TM4SF5: variants seen among roughly 807,000 people sequenced by gnomAD.
The protein encoded by TM4SF5 is transmembrane 4 L6 family member 5.
In TM4SF5, 16 loss-of-function variants were observed where a neutral mutation model predicts 22.3. That is an observed-to-expected ratio of 0.72 (90% CI 0.49 to 1.09). The LOEUF is 1.09. Among genes scored for constraint, TM4SF5 ranks in the 50% least tolerant of loss-of-function variants. The pLI is 0.00. For missense variants in TM4SF5, 249 were observed against 266.1 expected (o/e 0.94, Z 0.45); for synonymous variants, 113 against 109.6 (o/e 1.03, Z -0.19).
At chr17:4,781,135 TAAAAAAAAA>T (rs541886050) in intron 2 of TM4SF5, among the ~76,000 whole-genome samples, 8,393 of 125,152 alleles carry the variant, frequency 0.067, 884 homozygotes, top group African/African-American at 0.24. Flanking sequence ...AGCAGTGATT[TAAAAAAAAA>T]AAAAAAAAAA....
chr17:4,783,078 G>A, intron 4 of TM4SF5, 36 bp from the exon 5 acceptor site: 1 of 1,614,158 alleles, frequency 6.2e-7, no homozygotes, highest in Non-Finnish European at 8.5e-7. Flanking sequence ...GAACCTGCCT[G>A]GTCCTGGCTG....
At chr17:4,777,357 C>G (rs1423850560) in intron 1 of TM4SF5, among the ~76,000 whole-genome samples, 1 of 152,134 alleles carries the variant, frequency 6.6e-6, no homozygotes, top group Non-Finnish European at 1.5e-5. Context: ...TATGATGACA[C>G]TTTTCACTAA....
chr17:4,780,374 C>G (rs1161944145), intron 1 of TM4SF5, among the ~76,000 whole-genome samples: 1 of 152,086 alleles, frequency 6.6e-6, no homozygotes, highest in East Asian at 1.9e-4. Flanking sequence ...GTCTTAACAC[C>G]TAGTCAGCTT....
At chr17:4,781,417 A>AAAATCACTTGAACCCAGGAG (rs1917308968) in intron 2 of TM4SF5, among the ~76,000 whole-genome samples, 1 of 151,964 alleles carries the variant, frequency 6.6e-6, no homozygotes, top group African/African-American at 2.4e-5. Flanking sequence ...CTGAGGCAGG[A>AAAATCACTTGAACCCAGGAG]GATTACGGTG....
At chr17:4,776,100 C>T (rs748701421) in intron 1 of TM4SF5, among the ~76,000 whole-genome samples, 1 of 152,042 alleles carries the variant, frequency 6.6e-6, no homozygotes, top group Non-Finnish European at 1.5e-5. Context: ...CCACCCACCT[C>T]GGCCTCCCCA....
At chr17:4,782,429 G>C (rs1167678798) in intron 2 of TM4SF5, 74 bp from the exon 3 acceptor site, 1 of 1,565,474 alleles carries the variant, frequency 6.4e-7, no homozygotes. Flanking sequence ...GATAATGCGT[G>C]GGGGCTGGCG....
intron 1 of TM4SF5, among the ~76,000 whole-genome samples, chr17:4,777,879 C>G (rs1345166384): frequency 6.6e-6 from 1 of 151,864 alleles, no homozygotes; most frequent in African/African-American, 2.4e-5. Context: ...AGCAAAACTT[C>G]GTCTCAAAAA....
intron 3 of TM4SF5, 72 bp downstream of exon 3, chr17:4,782,711 A>T: frequency 1.3e-6 from 2 of 1,595,760 alleles, no homozygotes; most frequent in East Asian, 4.5e-5. Context: ...GTGGACTGGG[A>T]CACCTGGGCG....
At chr17:4,777,448 C>A (rs1032091093) in intron 1 of TM4SF5, among the ~76,000 whole-genome samples, 5 of 152,218 alleles carry the variant, frequency 3.3e-5, no homozygotes, top group Admixed American at 3.3e-4. Context: ...GAGTAAAAAT[C>A]TCAAATAGGG....
In TM4SF5 at chr17:4,783,033, A is replaced by G. The variant is rs200933820; in HGVS notation, c.575A>G (p.Lys192Arg). 6.2e-7 allele frequency: 1 copy of G among 1,614,064 alleles called. No individual in the cohort carries two copies. The highest frequency in any genetic ancestry group is 2.2e-5 in the East Asian group (1 of 44,870). Residue 192 changes from lysine to arginine, a missense_variant, in exon 4 of 5, where the codon AAA becomes AGA. Physicochemically the swap from Lys to Arg is conservative, Grantham distance 26 (BLOSUM62 2). Transcript: ENST00000270560. The part of the protein sequence containing the change: ...IGVFCGDCRK[K>R]QDTPH ...GTCTTCTGCGGCGATTGCAGGAAAA[A>G]ACAGGTGAAATTTCTTGCGGTGGAG...
rs1380243790 is a variant in TM4SF5, at chr17:4,780,872, A to G, written c.258+3A>G. On this transcript the variant is annotated splice_donor_region_variant and intron_variant, in intron 2 of 4. Transcript: ENST00000270560. ...GGTGCTGTGGAAACCGCTGCAGGGT[A>G]AGATCCAGATTAAGAAGGAATTCAG... 6.2e-6 allele frequency: 10 copies of G among 1,612,056 alleles called. No homozygotes were observed. Among genetic ancestry groups the G allele is most frequent in the Non-Finnish European group, 8.5e-6 (10 of 1,179,040 alleles).
At chr17:4,773,787 T>G (rs1917160106) in intron 1 of TM4SF5, among the ~76,000 whole-genome samples, 2 of 152,292 alleles carry the variant, frequency 1.3e-5, no homozygotes, top group South Asian at 4.1e-4. Context: ...CTCTGCAACC[T>G]GAACCACCCC....
intron 1 of TM4SF5, among the ~76,000 whole-genome samples, chr17:4,774,525 C>A (rs1408475251): frequency 2.0e-5 from 3 of 152,102 alleles, no homozygotes; most frequent in African/African-American, 7.2e-5. Flanking sequence ...CCAGCCTGGG[C>A]AACAGAGCAA....
Position 4,782,903 on chromosome 17 carries a change from C to T in TM4SF5, c.445C>T (p.Pro149Ser). ...TCTATGGGATCGGTGCGAGGCGCCC[C>T]CTCGCGTGGTCCCCTGGAATGTGAC... Reference protein sequence around the residue: ...RTLWDRCEAPPRVVPWNVTLF... With the variant: ...RTLWDRCEAPSRVVPWNVTLF... The change falls in exon 4 of 5, where the codon CCT becomes TCT. Residue 149 changes from proline (P) to serine (S), a missense_variant. Coordinates refer to ENST00000270560, the MANE Select transcript of TM4SF5 (RefSeq NM_003963.3). 1 of 1,614,202 alleles carries T rather than the reference C, an allele frequency of 6.2e-7. No individual in the cohort carries two copies. The highest frequency in any genetic ancestry group is 8.5e-7 in the Non-Finnish European group (1 of 1,180,038).
In TM4SF5 at chr17:4,780,843, G is replaced by C. The variant is rs1917291046; in HGVS notation, c.232G>C (p.Ala78Pro). 5 of 1,611,950 alleles carry C rather than the reference G, an allele frequency of 3.1e-6. No homozygotes were observed. Among genetic ancestry groups the C allele is most frequent in the Non-Finnish European group, 4.2e-6 (5 of 1,178,968 alleles). The change falls in exon 2 of 5, where the codon GCT becomes CCT. Residue 78 changes from alanine (A) to proline (P), a missense_variant. By Grantham distance (27) the Ala-to-Pro change is conservative (BLOSUM62 -1). Coordinates refer to ENST00000270560, the MANE Select transcript of TM4SF5 (RefSeq NM_003963.3). The part of the protein sequence containing the change: ...VRAGGKGCCG[A>P]GCCGNRCRML... ...GGCAGGGGGCAAGGGCTGCTGTGGT[G>C]CTGGGTGCTGTGGAAACCGCTGCAG... is the stretch of plus-strand genomic sequence containing the variant.
chr17:4,773,847 C>T (rs749483733), intron 1 of TM4SF5, among the ~76,000 whole-genome samples: 1 of 152,194 alleles, frequency 6.6e-6, no homozygotes, highest in African/African-American at 2.4e-5. Context: ...TTCAGCGGAG[C>T]TCCCTGAGTC....
At chr17:4,773,944 G>T (rs926861052) in intron 1 of TM4SF5, among the ~76,000 whole-genome samples, 1 of 152,210 alleles carries the variant, frequency 6.6e-6, no homozygotes, top group Non-Finnish European at 1.5e-5. Flanking sequence ...CGGTGGGCAT[G>T]GTGGCTTACG....
At position 4,771,986 on chromosome 17, in the gene TM4SF5, A is replaced by T; in HGVS notation, c.64A>T (p.Ile22Phe). ...LSLITLCLVC[I>F]VANALLLVPN... is the part of the protein sequence containing the mutation. ...CCTCATTACCCTCTGCCTCGTCTGC[A>T]TTGTGGCCAACGCCCTCCTGCTGGT... Residue 22 changes from isoleucine to phenylalanine, a missense_variant, in exon 1 of 5, where the codon ATT becomes TTT. By Grantham distance (21) the Ile-to-Phe change is conservative. Coordinates refer to ENST00000270560, the MANE Select transcript of TM4SF5 (RefSeq NM_003963.3). The T allele has an allele frequency of 6.2e-7, 1 of 1,614,118 alleles. No homozygotes were observed. Among genetic ancestry groups the T allele is most frequent in the East Asian group, 2.2e-5 (1 of 44,868 alleles).
intron 1 of TM4SF5, among the ~76,000 whole-genome samples, chr17:4,772,455 A>T (rs1917129548): frequency 6.6e-6 from 1 of 152,212 alleles, no homozygotes; most frequent in African/African-American, 2.4e-5. Flanking sequence ...TCATCGGGGC[A>T]GGATAATAAC....
Sources: allele counts gnomAD v4.1 joint callset (sites outside exome capture counted in the v4.1 genomes callset), GRCh38; gene constraint gnomAD v4.1.1; transcripts MANE v1.5; gene names NCBI Gene and HGNC (gene_info 2026-07-23, HGNC 2026-07-21).